The following CAMSAP2 variants were observed in gnomAD, a reference collection of about 807,000 sequenced individuals.
The protein encoded by CAMSAP2 is calmodulin regulated spectrin associated protein family member 2, also known as calmodulin-regulated spectrin-associated protein 2.
CAMSAP2 carries 26 observed loss-of-function variants against 146.1 expected under a neutral mutation model. The ratio of observed to expected loss-of-function variants is 0.18; its 90% CI spans 0.13 to 0.25. CAMSAP2 has a LOEUF of 0.25. CAMSAP2 is among the 10% of genes least tolerant of loss of function. The pLI, the probability that CAMSAP2 is intolerant of heterozygous loss-of-function variation, is 1.00. For synonymous variants in CAMSAP2, 499 were observed against 596.6 expected, an observed-to-expected ratio of 0.84 and a Z score of 2.38; for missense variants, 1,381 against 1,759.3, an observed-to-expected ratio of 0.78 and a Z score of 3.85.
chr1:200,781,741 G>A (rs904761775), intron 2 of CAMSAP2, among the ~76,000 whole-genome samples: 9 of 151,792 alleles, frequency 5.9e-5, no homozygotes, highest in Non-Finnish European at 1.3e-4. Context: ...ACAGGGTTTT[G>A]CCATGTTGCC....
intron 4 of CAMSAP2, among the ~76,000 whole-genome samples, chr1:200,825,864 C>T (rs1049053948): frequency 6.6e-6 from 1 of 152,170 alleles, no homozygotes; most frequent in African/African-American, 2.4e-5. Flanking sequence ...ATAGTTTCTT[C>T]AACTATGTAC....
chr1:200,849,259 G>A lies in CAMSAP2; in HGVS notation c.2490G>A (p.Arg830=). ...EKESQKTDGQ[R]SKSLADIKES... ...AATCACAAAAAACTGATGGACAAAG[G>A]AGCAAGTCACTGGCAGATATAAAAG... Residue 830 remains arginine (R), a synonymous_variant, in exon 11 of 17, where the codon AGG becomes AGA. Transcript: ENST00000358823. This position sits in a 1 kb window ranked among gnomAD's most constrained non-coding sequence, Gnocchi z 6.3. 6.2e-7 allele frequency: 1 copy of A among 1,613,880 alleles called. No individual in the cohort carries two copies. The highest frequency in any genetic ancestry group is 1.6e-4 in the Middle Eastern group (1 of 6,062).
chr1:200,827,536 C>T (rs144028861), intron 4 of CAMSAP2, among the ~76,000 whole-genome samples: 1 of 152,226 alleles, frequency 6.6e-6, no homozygotes, highest in East Asian at 1.9e-4. Flanking sequence ...AAATACATTC[C>T]ACAAAATTAT....
At chr1:200,745,349 T>C (rs1664292650) in intron 1 of CAMSAP2, among the ~76,000 whole-genome samples, 1 of 152,032 alleles carries the variant, frequency 6.6e-6, no homozygotes, top group South Asian at 2.1e-4. Flanking sequence ...TGAGAATCAC[T>C]GCTATAAATA....
intron 4 of CAMSAP2, among the ~76,000 whole-genome samples, chr1:200,816,486 C>G (rs150282192): frequency 7.2e-6 from 1 of 139,072 alleles, no homozygotes; most frequent in African/African-American, 2.7e-5. Context: ...CCCAGCTACT[C>G]GGGAGACAGA....
At chr1:200,803,516 TGA>T (rs56781330) in intron 2 of CAMSAP2, among the ~76,000 whole-genome samples, 425 of 152,290 alleles carry the variant, frequency 2.8e-3, no homozygotes, top group African/African-American at 9.4e-3. Flanking sequence ...ATTTTAGCCT[TGA>T]GTTTATTTTT....
chr1:200,831,211 A>T (rs921277232), intron 4 of CAMSAP2, among the ~76,000 whole-genome samples: 1 of 152,186 alleles, frequency 6.6e-6, no homozygotes, highest in African/African-American at 2.4e-5. Context: ...CTTCAGCATT[A>T]TTTTACTTGG....
At chr1:200,740,008 T>C (rs1199553194) in intron 1 of CAMSAP2, 42 bp downstream of exon 1, 3 of 1,604,280 alleles carry the variant, frequency 1.9e-6, no homozygotes, top group Non-Finnish European at 1.7e-6. Flanking sequence ...CCTCCTGATG[T>C]GGTCCACATC....
At chr1:200,746,144 G>A (rs188462306) in intron 1 of CAMSAP2, among the ~76,000 whole-genome samples, 1 of 152,156 alleles carries the variant, frequency 6.6e-6, no homozygotes, top group African/African-American at 2.4e-5. Flanking sequence ...AAATAGTAAA[G>A]TTTATGTAAT....
chr1:200,831,908 G>A (rs559718917), intron 4 of CAMSAP2, among the ~76,000 whole-genome samples: 2 of 152,112 alleles, frequency 1.3e-5, no homozygotes, highest in East Asian at 1.9e-4. Flanking sequence ...GATACAAAGT[G>A]TTCAAAATCT....
intron 2 of CAMSAP2, among the ~76,000 whole-genome samples, chr1:200,784,204 GTTAGTGTAAGCCATCCGGC>G (rs1372422369): frequency 1.3e-5 from 2 of 151,922 alleles, no homozygotes; most frequent in Non-Finnish European, 2.9e-5. Flanking sequence ...CTTGAAACTT[GTTAGTGTAAGCCATCCGGC>G]TTTGTTGTTT....
intron 1 of CAMSAP2, among the ~76,000 whole-genome samples, chr1:200,755,177 G>A (rs1664614127): frequency 6.6e-6 from 1 of 152,196 alleles, no homozygotes; most frequent in Non-Finnish European, 1.5e-5. Context: ...CTTTTGGTGG[G>A]GAAGGTATTA....
rs78586948 is a variant in CAMSAP2 at position 200,857,459 on chromosome 1, A to G, written c.4131+35A>G. 0.017 allele frequency: 23,679 copies of G among 1,404,020 alleles called. 262 individuals are homozygous for G. Among genetic ancestry groups the G allele is most frequent in the South Asian group, 0.028 (2,418 of 86,588 alleles). The allele number at this position is 1,404,020 out of a possible 1,614,324, so 87.0% of individuals were successfully genotyped here. A position where few individuals can be genotyped will look rare whatever the true frequency, so the allele number is the denominator to read the frequency against. On this transcript the variant is annotated intron_variant, in intron 16 of 16. Coordinates refer to ENST00000358823, the MANE Select transcript of CAMSAP2 (RefSeq NM_203459.4). This position sits in a 1 kb window ranked among gnomAD's most constrained non-coding sequence, Gnocchi z 4.7. ...TTTGCATGAAAATTAAATTTGGCAA[A>G]CTGTAGAAGTCTTTTATCCATTCAA...
chr1:200,810,123 TA>T (rs1427953758), intron 3 of CAMSAP2, among the ~76,000 whole-genome samples: 1 of 152,234 alleles, frequency 6.6e-6, no homozygotes, highest in East Asian at 1.9e-4. Flanking sequence ...GGGAACGTGT[TA>T]AAATGGCTGA....
Position 200,761,114 on chromosome 1 carries a change from C to T in CAMSAP2, c.399+16C>T, listed in dbSNP as rs776102607. The T allele has an allele frequency of 3.1e-6, 5 of 1,609,360 alleles. No homozygotes were observed. Among genetic ancestry groups the T allele is most frequent in the Non-Finnish European group, 4.3e-6 (5 of 1,176,442 alleles). On this transcript the variant is annotated intron_variant, in intron 2 of 16. Coordinates refer to ENST00000358823, the MANE Select transcript of CAMSAP2 (RefSeq NM_203459.4). ...CATACAGATGGTGAGTCTTTATATA[C>T]CCAAGATTATTTTAAGTTTGAAGTG... is the stretch of plus-strand genomic sequence containing the variant.
At chr1:200,821,375 G>T (rs1233747337) in intron 4 of CAMSAP2, among the ~76,000 whole-genome samples, 2 of 152,034 alleles carry the variant, frequency 1.3e-5, no homozygotes, top group Non-Finnish European at 2.9e-5. Context: ...TAGAGTCAGG[G>T]TCTCACCATG....
intron 15 of CAMSAP2, among the ~76,000 whole-genome samples, chr1:200,856,759 A>G (rs1167027998): frequency 6.6e-6 from 1 of 152,158 alleles, no homozygotes; most frequent in African/African-American, 2.4e-5. Flanking sequence ...TCCATGATAG[A>G]GTGGAAGTGG....
intron 4 of CAMSAP2, among the ~76,000 whole-genome samples, chr1:200,820,062 A>ATT (rs754216364): frequency 2.1e-5 from 3 of 145,912 alleles, no homozygotes; most frequent in South Asian, 2.2e-4. Flanking sequence ...TTCTCAAAAA[A>ATT]TTTTTTTTTT....
At chr1:200,797,034 C>T (rs975173029) in intron 2 of CAMSAP2, among the ~76,000 whole-genome samples, 154 of 152,252 alleles carry the variant, frequency 1.0e-3, no homozygotes, top group African/African-American at 3.5e-3. Context: ...TATTCCATGG[C>T]GTGTATGTGC....
Sources: allele counts gnomAD v4.1 joint callset (sites outside exome capture counted in the v4.1 genomes callset), GRCh38; gene constraint gnomAD v4.1.1; non-coding constraint Gnocchi (gnomAD v3.1); transcripts MANE v1.5; gene names NCBI Gene and HGNC (gene_info 2026-07-23, HGNC 2026-07-21).